Variants in TIAM1 observed in about 807,000 individuals in gnomAD.
TIAM1 encodes TIAM Rac1 associated GEF 1.
In TIAM1, 65 loss-of-function variants were observed where a neutral mutation model predicts 163.5. That is an observed-to-expected ratio of 0.40 (90% CI 0.33 to 0.49). TIAM1 has a LOEUF of 0.49. TIAM1 is among the 20% of genes least tolerant of loss of function. The pLI is 0.77. For synonymous variants in TIAM1, 833 were observed against 810.1 expected (o/e 1.03, Z -0.48); for missense variants, 1,789 against 2,044.7 (o/e 0.87, Z 2.41).
chr21:31,379,514 C>A (rs1482452701), intron 2 of TIAM1, among the ~76,000 whole-genome samples: 1 of 151,576 alleles, frequency 6.6e-6, no homozygotes, highest in African/African-American at 2.4e-5. Flanking sequence ...TAATAGAAGA[C>A]CCAGTCCTTA....
intron 16 of TIAM1, among the ~76,000 whole-genome samples, chr21:31,162,005 G>C (rs1163073404): frequency 6.6e-6 from 1 of 152,130 alleles, no homozygotes; most frequent in Admixed American, 6.5e-5. Context: ...TATATAAATG[G>C]CCTACAGCAC....
At chr21:31,264,767 G>A (rs2072662560) in intron 4 of TIAM1, among the ~76,000 whole-genome samples, 1 of 152,186 alleles carries the variant, frequency 6.6e-6, no homozygotes, top group African/African-American at 2.4e-5. Flanking sequence ...GAGCAAGGCT[G>A]GAAGGTGCAG....
chr21:31,312,956 C>A (rs545942702), intron 2 of TIAM1, among the ~76,000 whole-genome samples: 10 of 152,332 alleles, frequency 6.6e-5, no homozygotes, highest in Non-Finnish European at 1.5e-4. Context: ...AAAGGTCAAG[C>A]CCTCTGAGAC....
At position 31,542,406 on chromosome 21, in the gene TIAM1, G is replaced by C. The variant is rs530596351; in HGVS notation, c.-422+16521C>G. ...CGCGCCACTGCACTCCAGCCTGGGG[G>C]ATAGAGCGAGACTCCGTCTCAAAAA... On this transcript the variant is annotated intron_variant, in intron 1 of 28. Coordinates refer to the TIAM1 transcript ENST00000286827. Among the ~76,000 whole-genome samples, 222 of 150,748 alleles carry C rather than the reference G, an allele frequency of 1.5e-3. 3 individuals are homozygous for C. The highest frequency in any genetic ancestry group is 5.3e-3 in the African/African-American group (215 of 40,630).
At chr21:31,299,629 C>T (rs1023942254) in intron 2 of TIAM1, among the ~76,000 whole-genome samples, 14 of 152,286 alleles carry the variant, frequency 9.2e-5, no homozygotes, top group African/African-American at 2.9e-4. Flanking sequence ...TCCTAGACGA[C>T]AGCAGTCTCA....
intron 1 of TIAM1, among the ~76,000 whole-genome samples, chr21:31,530,145 C>T (rs892004343): frequency 1.3e-5 from 2 of 152,188 alleles, no homozygotes; most frequent in African/African-American, 4.8e-5. Flanking sequence ...ATGCCATCTC[C>T]CAGGGCAACC....
intron 2 of TIAM1, among the ~76,000 whole-genome samples, chr21:31,446,424 T>C (rs2044627007): frequency 6.6e-6 from 1 of 152,170 alleles, no homozygotes; most frequent in Non-Finnish European, 1.5e-5. Context: ...TCCATCTGTC[T>C]CATGCTAAGA....
chr21:31,557,230 C>G (rs541551309), intron 1 of TIAM1, among the ~76,000 whole-genome samples: 20 of 152,278 alleles, frequency 1.3e-4, no homozygotes, highest in African/African-American at 4.8e-4. Flanking sequence ...AAAACAAGTC[C>G]TGTTTGAAGC....
At chr21:31,471,178 C>G (rs1214705595) in intron 1 of TIAM1, among the ~76,000 whole-genome samples, 1 of 152,188 alleles carries the variant, frequency 6.6e-6, no homozygotes, top group Admixed American at 6.5e-5. Flanking sequence ...CAGAGCGGAC[C>G]ACACAGGAAA....
intron 16 of TIAM1, chr21:31,160,400 C>G (rs1426765755): frequency 2.5e-6 from 1 of 398,592 alleles, no homozygotes; most frequent in Non-Finnish European, 4.4e-6. Context: ...AGTCATAACA[C>G]AATCAAACCT....
chr21:31,410,407 TGA>T (rs1351318728), intron 2 of TIAM1, among the ~76,000 whole-genome samples: 2 of 150,494 alleles, frequency 1.3e-5, no homozygotes, highest in African/African-American at 2.5e-5. Context: ...AATGAGACAG[TGA>T]GAGTATGTGA....
At chr21:31,529,859 G>A (rs2047917385) in intron 1 of TIAM1, among the ~76,000 whole-genome samples, 1 of 152,144 alleles carries the variant, frequency 6.6e-6, no homozygotes, top group Non-Finnish European at 1.5e-5. Flanking sequence ...GTTCTCACCA[G>A]GGAAGATTCC....
At chr21:31,313,746 T>C (rs758413029) in intron 2 of TIAM1, among the ~76,000 whole-genome samples, 1 of 152,202 alleles carries the variant, frequency 6.6e-6, no homozygotes, top group Non-Finnish European at 1.5e-5. Context: ...CAGCTAATTT[T>C]TTGTACTTTC....
At chr21:31,490,243 C>A (rs762314414) in intron 1 of TIAM1, among the ~76,000 whole-genome samples, 5 of 152,144 alleles carry the variant, frequency 3.3e-5, no homozygotes, top group Non-Finnish European at 5.9e-5. Flanking sequence ...CTCTCTAATT[C>A]TACTTTATGT....
chr21:31,309,058 T>C (rs1328443414), intron 2 of TIAM1, among the ~76,000 whole-genome samples: 4 of 152,180 alleles, frequency 2.6e-5, no homozygotes, highest in African/African-American at 9.7e-5. Flanking sequence ...CTGCACGATA[T>C]ACCGATCAAT....
intron 11 of TIAM1, among the ~76,000 whole-genome samples, chr21:31,205,771 C>G (rs2086420589): frequency 6.6e-6 from 1 of 152,080 alleles, no homozygotes; most frequent in Admixed American, 6.5e-5. Context: ...TTTGACCAGC[C>G]TGGGTAACAT....
At chr21:31,225,452 C>T (rs991379170) in intron 7 of TIAM1, among the ~76,000 whole-genome samples, 8 of 152,134 alleles carry the variant, frequency 5.3e-5, no homozygotes, top group African/African-American at 1.9e-4. Context: ...CACAGATCCC[C>T]TAGAAGAGCA....
chr21:31,217,426 T>C (rs2087282209), intron 9 of TIAM1, 127 bp downstream of exon 9: 1 of 1,317,914 alleles, frequency 7.6e-7, no homozygotes, highest in East Asian at 2.3e-5. Context: ...GCACAGCTAG[T>C]TTCTTTGTGC....
intron 1 of TIAM1, among the ~76,000 whole-genome samples, chr21:31,535,311 G>T (rs1167114338): frequency 6.9e-6 from 1 of 145,352 alleles, no homozygotes; most frequent in Non-Finnish European, 1.5e-5. Context: ...ACCTTGGGAG[G>T]AGGAGATTGC....
Sources: gnomAD v4.1 joint callset for allele counts (sites outside exome capture counted in the v4.1 genomes callset) on GRCh38, gnomAD v4.1.1 for gene constraint, MANE v1.5 for transcripts, NCBI Gene and HGNC (gene_info 2026-07-23, HGNC 2026-07-21) for gene names.